RBFOX2: variants seen among roughly 807,000 people sequenced by gnomAD.
RBFOX2 encodes RNA binding protein fox-1 homolog 2.
A neutral mutation model predicts 49.1 loss-of-function variants in RBFOX2; 10 were observed. The ratio of observed to expected loss-of-function variants is 0.20; its 90% confidence interval spans 0.13 to 0.35. The LOEUF (loss-of-function observed/expected upper bound fraction) is 0.35, where lower values mean the gene tolerates loss of function less well. Among genes scored for constraint, RBFOX2 ranks in the 10% least tolerant of loss-of-function variants. The probability of loss-of-function intolerance (pLI) is 1.00; values close to 1 mark genes in which losing one functional copy is unlikely to be tolerated. For missense variants in RBFOX2, 323 were observed against 486.9 expected, an observed-to-expected ratio of 0.66 and a Z score of 3.17; for synonymous variants, 183 against 187.4, an observed-to-expected ratio of 0.98 and a Z score of 0.19.
intron 1 of RBFOX2, among the ~76,000 whole-genome samples, chr22:35,878,405 T>A (rs1166221052): frequency 5.3e-5 from 8 of 151,936 alleles, no homozygotes; most frequent in Non-Finnish European, 7.4e-5. Flanking sequence ...TCTAAATAAA[T>A]AATAAAATAA....
At chr22:35,906,800 G>C (rs764707968) in intron 1 of RBFOX2, among the ~76,000 whole-genome samples, 2 of 152,070 alleles carry the variant, frequency 1.3e-5, no homozygotes, top group Non-Finnish European at 2.9e-5. Flanking sequence ...GGCCAACAGA[G>C]CAAGACTCTG....
chr22:35,992,314 C>T (rs1016692037), intron 1 of RBFOX2: 1 of 152,184 alleles, frequency 6.6e-6, no homozygotes, highest in Admixed American at 6.5e-5. Context: ...CATACACACA[C>T]ACACAAGTAA....
intron 4 of RBFOX2, among the ~76,000 whole-genome samples, chr22:35,770,120 TTAA>T (rs1347078545): frequency 6.6e-6 from 1 of 152,190 alleles, no homozygotes; most frequent in Non-Finnish European, 1.5e-5. Flanking sequence ...AAAGGGCACA[TTAA>T]TAATTAGTTA....
chr22:35,860,648 A>G (rs1472016749), intron 1 of RBFOX2, among the ~76,000 whole-genome samples: 2 of 152,152 alleles, frequency 1.3e-5, no homozygotes, highest in Non-Finnish European at 2.9e-5. Flanking sequence ...TCCTTCTTCA[A>G]AGTTGTTTTG....
intron 1 of RBFOX2, among the ~76,000 whole-genome samples, chr22:35,927,281 T>C (rs1488711227): frequency 4.6e-5 from 7 of 152,062 alleles, no homozygotes; most frequent in South Asian, 2.1e-4. Flanking sequence ...CCAAGATAGA[T>C]ATTTGAAGGA....
At chr22:35,950,745 T>C (rs549414249) in intron 1 of RBFOX2, among the ~76,000 whole-genome samples, 1 of 152,056 alleles carries the variant, frequency 6.6e-6, no homozygotes, top group Non-Finnish European at 1.5e-5. Context: ...TGTTTGGTGG[T>C]ATTGAGGGAG....
intron 1 of RBFOX2, among the ~76,000 whole-genome samples, chr22:35,984,029 C>A (rs2057587856): frequency 6.6e-6 from 1 of 151,994 alleles, no homozygotes; most frequent in Admixed American, 6.6e-5. Flanking sequence ...TTTAATAATT[C>A]TCTTCAATTA....
chr22:35,938,945 G>A (rs966173748), upstream of RBFOX2: 8 of 1,522,532 alleles, frequency 5.3e-6, no homozygotes, highest in African/African-American at 2.7e-5. Context: ...GAAAGAAAAT[G>A]TTAGGCATAA....
At chr22:35,940,921 G>C (rs115012517), upstream of RBFOX2, among the ~76,000 whole-genome samples, 1 of 152,102 alleles carries the variant, frequency 6.6e-6, no homozygotes, top group Non-Finnish European at 1.5e-5. Flanking sequence ...AGGGACTAGC[G>C]GGAAGAAATG....
intron 2 of RBFOX2, among the ~76,000 whole-genome samples, chr22:35,799,590 T>C (rs1342926707): frequency 1.3e-5 from 2 of 152,220 alleles, no homozygotes; most frequent in Non-Finnish European, 2.9e-5. Flanking sequence ...AATGGAGCTG[T>C]AGCTCACAGC....
At chr22:35,858,201 G>A (rs1324739152) in intron 1 of RBFOX2, among the ~76,000 whole-genome samples, 1 of 152,124 alleles carries the variant, frequency 6.6e-6, no homozygotes, top group African/African-American at 2.4e-5. Flanking sequence ...TTTCCAAGTG[G>A]CAATAAAGTA....
chr22:35,914,516 T>G (rs1444088672), intron 1 of RBFOX2, among the ~76,000 whole-genome samples: 1 of 152,200 alleles, frequency 6.6e-6, no homozygotes, highest in African/African-American at 2.4e-5. Flanking sequence ...TTCCTTCAAG[T>G]TCAATGCAAT....
At chr22:35,784,109 C>T (rs1945841510) in intron 2 of RBFOX2, among the ~76,000 whole-genome samples, 1 of 152,184 alleles carries the variant, frequency 6.6e-6, no homozygotes, top group South Asian at 2.1e-4. Context: ...GGAAGCAAAC[C>T]ACATTTCCAA....
intron 1 of RBFOX2, among the ~76,000 whole-genome samples, chr22:35,932,753 T>C (rs1386433721): frequency 6.6e-6 from 1 of 152,122 alleles, no homozygotes; most frequent in Admixed American, 6.5e-5. Context: ...TAGTGTCGCA[T>C]GTCTGTAATC....
intron 1 of RBFOX2, among the ~76,000 whole-genome samples, chr22:35,912,250 A>G (rs144907510): frequency 2.0e-5 from 3 of 152,224 alleles, no homozygotes; most frequent in Non-Finnish European, 4.4e-5. Flanking sequence ...GGCAGAGCTA[A>G]ATCACAAGCA....
intron 1 of RBFOX2, among the ~76,000 whole-genome samples, chr22:36,018,617 T>C (rs1278703522): frequency 1.3e-5 from 2 of 152,140 alleles, no homozygotes; most frequent in Admixed American, 1.3e-4. Flanking sequence ...AAATTGACTC[T>C]TTTGTTTTAT....
Position 35,851,688 on chromosome 22 carries a change from G to A in RBFOX2, c.-33-41684C>T, listed in dbSNP as rs117767207. On this transcript the variant is annotated intron_variant, in intron 1 of 13. Coordinates refer to the RBFOX2 transcript ENST00000359369. ...TTAAAAATACAAAAATTAGCTGGGC[G>A]TGGTGGCATGCACCCTGTAATCCCA... Among the ~76,000 whole-genome samples, 290 of 151,800 alleles carry A rather than the reference G, an allele frequency of 1.9e-3. 3 individuals are homozygous for A. In the East Asian group the frequency reaches 0.031, roughly 16 times the overall value.
chr22:35,822,410 C>A (rs1280232303), intron 1 of RBFOX2, among the ~76,000 whole-genome samples: 1 of 152,118 alleles, frequency 6.6e-6, no homozygotes, highest in Non-Finnish European at 1.5e-5. Flanking sequence ...CTGTTTCCTG[C>A]ATTATCTTTT....
chr22:35,822,400 CTG>C (rs1448027360), intron 1 of RBFOX2, among the ~76,000 whole-genome samples: 1 of 152,136 alleles, frequency 6.6e-6, no homozygotes, highest in Non-Finnish European at 1.5e-5. Context: ...AAGTTCTCTT[CTG>C]TTTCCTGCAT....
Sources: allele counts gnomAD v4.1 joint callset (sites outside exome capture counted in the v4.1 genomes callset), GRCh38; gene constraint gnomAD v4.1.1; transcripts MANE v1.5; gene names NCBI Gene and HGNC (gene_info 2026-07-23, HGNC 2026-07-21).